Variants in B4GALNT3 observed in about 807,000 individuals in gnomAD.
The protein encoded by B4GALNT3 is beta-1,4-N-acetylgalactosaminyltransferase 3.
B4GALNT3 carries 86 observed loss-of-function variants against 120.2 expected under a neutral mutation model. The observed-to-expected ratio is 0.72, with a 90% CI of 0.60 to 0.86. The LOEUF (loss-of-function observed/expected upper bound fraction) is 0.86, where lower values mean the gene tolerates loss of function less well. B4GALNT3 is among the 40% of genes least tolerant of loss of function. The pLI is 0.00. For missense variants in B4GALNT3, 1,167 were observed against 1,298.9 expected (o/e 0.90, Z 1.56); for synonymous variants, 518 against 510.4 (o/e 1.01, Z -0.20).
At chr12:512,178 C>T (rs372810891) in intron 1 of B4GALNT3, among the ~76,000 whole-genome samples, 720 of 60,868 alleles carry the variant, frequency 0.012, 51 homozygotes, top group African/African-American at 0.044. Flanking sequence ...TTCCGCCTTC[C>T]GCCTTCCACC....
intron 6 of B4GALNT3, among the ~76,000 whole-genome samples, chr12:546,403 G>A (rs892323180): frequency 1.3e-5 from 2 of 152,134 alleles, no homozygotes; most frequent in South Asian, 4.1e-4. Flanking sequence ...GCCGGGTGCT[G>A]ACTCGCGCTG....
intron 3 of B4GALNT3, among the ~76,000 whole-genome samples, chr12:542,769 G>T (rs1037942739): frequency 6.6e-6 from 1 of 152,190 alleles, no homozygotes; most frequent in Non-Finnish European, 1.5e-5. Flanking sequence ...GCACTGCCCC[G>T]AGGCTGTCCC....
At position 553,226 on chromosome 12, in the gene B4GALNT3, T is replaced by C. The variant is rs140265583; in HGVS notation, c.1303T>C (p.Tyr435His). ...GGAAAACCTTCTAGAAGAGTCCCAG[T>C]ATGGGGAAGTGGCAGAGGAGACCCC... ...FEENLLEESQ[Y>H]GEVAEETPAS... is the part of the protein sequence containing the mutation. Residue 435 changes from tyrosine (Y) to histidine (H), a missense_variant, in exon 14 of 20, where the codon TAT becomes CAT. By Grantham distance (83) the Tyr-to-His change is moderately conservative. Coordinates refer to ENST00000266383, the MANE Select transcript of B4GALNT3 (RefSeq NM_173593.4). 2.6e-4 allele frequency: 424 copies of C among 1,613,420 alleles called. 1 individual carries two copies. The highest frequency in any genetic ancestry group is 3.4e-4 in the Non-Finnish European group (407 of 1,179,976).
chr12:488,825 A>G, intron 1 of B4GALNT3, among the ~76,000 whole-genome samples: 1 of 152,052 alleles, frequency 6.6e-6, no homozygotes, highest in East Asian at 1.9e-4. Flanking sequence ...GTGAAAAAGA[A>G]AAGAAAGAAA....
chr12:507,563 C>T (rs529166765), intron 1 of B4GALNT3, among the ~76,000 whole-genome samples: 37 of 152,314 alleles, frequency 2.4e-4, no homozygotes, highest in African/African-American at 7.5e-4. Flanking sequence ...GCTGTTGTGG[C>T]GACCCTTCAC....
chr12:557,358 T>C (rs1426028724), intron 15 of B4GALNT3, among the ~76,000 whole-genome samples: 1 of 152,126 alleles, frequency 6.6e-6, no homozygotes, highest in East Asian at 1.9e-4. Context: ...AGCCAAGGCC[T>C]TCTCGTGGGT....
At chr12:531,674 G>A (rs2120652688) in intron 1 of B4GALNT3, among the ~76,000 whole-genome samples, 1 of 152,010 alleles carries the variant, frequency 6.6e-6, no homozygotes, top group Non-Finnish European at 1.5e-5. Context: ...AAGCATAGAG[G>A]GAAAAGAGTC....
intron 1 of B4GALNT3, among the ~76,000 whole-genome samples, chr12:493,523 C>T (rs1397911585): frequency 6.6e-6 from 1 of 151,872 alleles, no homozygotes; most frequent in Non-Finnish European, 1.5e-5. Context: ...TCTTTCAAAA[C>T]TCAACATACT....
At position 558,525 on chromosome 12, in the gene B4GALNT3, CT is replaced by C. The variant is rs1565612987; in HGVS notation, c.2627del (p.Phe876SerfsTer32). 3 of 1,614,132 alleles carry C rather than the reference CT, an allele frequency of 1.9e-6. No homozygotes were observed. Among genetic ancestry groups the C allele is most frequent in the Non-Finnish European group, 2.5e-6 (3 of 1,179,996 alleles). ...DLVKDPHSII[F>X]LCDLHIHFPA... is the part of the protein sequence containing the mutation. ...GTCCCCAGGACCCGCACAGCATCAT[CT>C]TCCTCTGTGACCTCCACATCCACTT... On this transcript the variant is annotated frameshift_variant, in exon 18 of 20. Coordinates refer to ENST00000266383, the MANE Select transcript of B4GALNT3 (RefSeq NM_173593.4). LOFTEE classifies it high-confidence loss of function.
chr12:481,597 C>T (rs554495785), intron 1 of B4GALNT3, among the ~76,000 whole-genome samples: 39 of 152,326 alleles, frequency 2.6e-4, no homozygotes, highest in African/African-American at 9.1e-4. Flanking sequence ...ATTACCTCAC[C>T]GCAGGGCCCC....
chr12:513,760 A>G (rs12818044), intron 1 of B4GALNT3, among the ~76,000 whole-genome samples: 135,085 of 152,252 alleles, frequency 0.89, 60,136 homozygotes, highest in East Asian at 1. Context: ...CTACGGCCTC[A>G]AACATTTTTG....
chr12:544,667 A>T (rs146217798), intron 4 of B4GALNT3, among the ~76,000 whole-genome samples: 36 of 152,226 alleles, frequency 2.4e-4, no homozygotes, highest in Middle Eastern at 3.4e-3. Flanking sequence ...TAGTGTACCC[A>T]GGGCCACCAT....
rs753084214 is a variant in B4GALNT3, at chr12:559,432, A to G, written c.2888+11A>G. On this transcript the variant is annotated intron_variant, in intron 19 of 19. Transcript: ENST00000266383. ...GGAGCTGCTGGACAGGTGACTGGGA[A>G]GAGGAGGGCATCCACGAGGCCTGGG... is the stretch of plus-strand genomic sequence containing the variant. 1.9e-6 allele frequency: 3 copies of G among 1,612,898 alleles called. No individual in the cohort carries two copies. The highest frequency in any genetic ancestry group is 1.1e-5 in the South Asian group (1 of 91,048).
intron 1 of B4GALNT3, among the ~76,000 whole-genome samples, chr12:499,498 CCGTGCTCT>C (rs1946419867): frequency 8.1e-6 from 1 of 122,990 alleles, no homozygotes; most frequent in African/African-American, 3.7e-5. Context: ...CCCGTGGAGC[CCGTGCTCT>C]CACTATCTAC....
At chr12:477,335 A>G (rs1202533984) in intron 1 of B4GALNT3, among the ~76,000 whole-genome samples, 1 of 152,170 alleles carries the variant, frequency 6.6e-6, no homozygotes, top group Non-Finnish European at 1.5e-5. Flanking sequence ...TTTTCTTACC[A>G]GTGAACTAGC....
chr12:530,327 A>C (rs1216664972), intron 1 of B4GALNT3, among the ~76,000 whole-genome samples: 1 of 152,218 alleles, frequency 6.6e-6, no homozygotes, highest in Admixed American at 6.5e-5. Context: ...GTGAGAACTT[A>C]GTCTGAATTT....
In B4GALNT3 at chr12:563,256, G is replaced by A. The variant is rs1947250566; in HGVS notation, c.*1805G>A. 1.3e-5 allele frequency: 2 copies of A among 152,548 alleles called. No individual in the cohort carries two copies. Among genetic ancestry groups the A allele is most frequent in the African/African-American group, 2.4e-5 (1 of 41,438 alleles). The allele number at this position is 152,548 out of a possible 1,614,324, so 9.4% of individuals were successfully genotyped here. A position where few individuals can be genotyped will look rare whatever the true frequency, so the allele number is the denominator to read the frequency against. ...CACTCTCGTCCTCGGGCATTGCACTGGAAGGCTGGAACCAGCCCAAACTGC... is the reference window on the plus strand; with the variant it reads ...CACTCTCGTCCTCGGGCATTGCACTAGAAGGCTGGAACCAGCCCAAACTGC... On this transcript the variant is annotated 3_prime_UTR_variant, in exon 20 of 20. Coordinates refer to ENST00000266383, the MANE Select transcript of B4GALNT3 (RefSeq NM_173593.4).
rs1946982694 is a variant in B4GALNT3 at position 545,529 on chromosome 12, T to C, written c.639+60T>C. ...CTCCTGGAGCCTGTTCATTGAGTCC[T>C]CCAGCAGCTGCTCATTACTGTTAGC... is the stretch of plus-strand genomic sequence containing the variant. On this transcript the variant is annotated intron_variant, in intron 6 of 19. Transcript: ENST00000266383. The C allele has an allele frequency of 4.8e-6, 7 of 1,464,880 alleles. No individual in the cohort carries two copies. In the African/African-American group the frequency reaches 7.0e-5, roughly 15 times the overall value. The allele number at this position is 1,464,880 out of a possible 1,614,324, so 90.7% of individuals were successfully genotyped here.
intron 16 of B4GALNT3, 38 bp downstream of exon 16, chr12:557,799 C>A: frequency 6.3e-7 from 1 of 1,578,060 alleles, no homozygotes. Context: ...GCATGGGCCA[C>A]GTCCATCCTA....
Sources: allele counts gnomAD v4.1 joint callset (sites outside exome capture counted in the v4.1 genomes callset), GRCh38; gene constraint gnomAD v4.1.1; transcripts MANE v1.5; gene names NCBI Gene and HGNC (gene_info 2026-07-23, HGNC 2026-07-21).